The following SGIP1 variants were observed in gnomAD, a reference collection of about 807,000 sequenced individuals.
SGIP1 encodes the protein SH3-containing GRB2-like protein 3-interacting protein 1.
A neutral mutation model predicts 107.5 loss-of-function variants in SGIP1; 38 were observed. That is an observed-to-expected ratio of 0.35 (90% CI 0.27 to 0.46). The LOEUF (loss-of-function observed/expected upper bound fraction) is 0.46. SGIP1 is among the 20% of genes least tolerant of loss of function. The pLI is 1.00. For synonymous variants in SGIP1, 365 were observed against 366.1 expected, an observed-to-expected ratio of 1.00 and a Z score of 0.03; for missense variants, 929 against 1,019.5, an observed-to-expected ratio of 0.91 and a Z score of 1.21.
rs751636169 is a variant in SGIP1, at chr1:66,682,361, C to T, written c.1307C>T (p.Thr436Ile). The change falls in exon 15 of 25, where the codon ACC becomes ATC. Residue 436 changes from threonine to isoleucine, a missense_variant. By Grantham distance (89) the Thr-to-Ile change is moderately conservative. Around this residue, in one of 2 missense-constraint regions of SGIP1, gnomAD observed 588 missense variants for 588.6 expected, o/e 1.00. Transcript: ENST00000371037. ...CCTGGCTCGGGCCCTGGTCCGGGGA[C>T]CACCAGTGGTATGTCTTATGCTTGA... ...PGPGSGPGPG[T>I]TSGASSPARP... The T allele has an allele frequency of 1.2e-5, 20 of 1,610,004 alleles. No homozygotes were observed. The highest frequency in any genetic ancestry group is 1.7e-5 in the Non-Finnish European group (20 of 1,178,850).
At chr1:66,619,277 C>A (rs563159013) in intron 1 of SGIP1, among the ~76,000 whole-genome samples, 1 of 152,256 alleles carries the variant, frequency 6.6e-6, no homozygotes, top group East Asian at 1.9e-4. Context: ...ATTTTAAAGG[C>A]AGTACATTTA....
At chr1:66,666,458 C>CT (rs558907920) in intron 8 of SGIP1, 3 of 160,200 alleles carry the variant, frequency 1.9e-5, no homozygotes, top group African/African-American at 4.8e-5. Flanking sequence ...AATGAGGGCT[C>CT]TTTTTTGGTT....
chr1:66,599,614 C>T (rs998765279), intron 1 of SGIP1, among the ~76,000 whole-genome samples: 19 of 152,214 alleles, frequency 1.2e-4, no homozygotes, highest in African/African-American at 4.1e-4. Context: ...CCATGCTACA[C>T]ATCTTATTTA....
At chr1:66,557,771 T>A (rs2058391574) in intron 1 of SGIP1, among the ~76,000 whole-genome samples, 1 of 152,158 alleles carries the variant, frequency 6.6e-6, no homozygotes, top group Non-Finnish European at 1.5e-5. Flanking sequence ...AACAGTCTAC[T>A]TCTTGGCCTA....
intron 18 of SGIP1, among the ~76,000 whole-genome samples, chr1:66,713,271 G>A (rs968880676): frequency 6.6e-6 from 1 of 152,082 alleles, no homozygotes; most frequent in Admixed American, 6.6e-5. Flanking sequence ...ATTAATATAA[G>A]TAAAGTCCTT....
At chr1:66,561,268 T>A (rs536586905) in intron 1 of SGIP1, among the ~76,000 whole-genome samples, 29 of 152,048 alleles carry the variant, frequency 1.9e-4, no homozygotes, top group Non-Finnish European at 3.7e-4. Flanking sequence ...GGTAGTGGCA[T>A]TATTGAGACT....
intron 7 of SGIP1, among the ~76,000 whole-genome samples, chr1:66,659,919 A>G (rs982616021): frequency 4.4e-5 from 6 of 137,188 alleles, no homozygotes; most frequent in Non-Finnish European, 9.3e-5. Context: ...TCAGAAACAG[A>G]AAGAGAAAAA....
At chr1:66,555,257 A>C (rs1031424528) in intron 1 of SGIP1, among the ~76,000 whole-genome samples, 3 of 151,754 alleles carry the variant, frequency 2.0e-5, no homozygotes, top group Admixed American at 6.6e-5. Flanking sequence ...CACATCTGAA[A>C]CCTCCATTTT....
At chr1:66,555,389 C>G (rs2148347147) in intron 1 of SGIP1, among the ~76,000 whole-genome samples, 1 of 152,236 alleles carries the variant, frequency 6.6e-6, no homozygotes, top group Non-Finnish European at 1.5e-5. Context: ...TTTACCAGGG[C>G]TGTTTTCTGC....
chr1:66,612,161 G>A (rs2068160452), intron 1 of SGIP1, among the ~76,000 whole-genome samples: 2 of 152,196 alleles, frequency 1.3e-5, no homozygotes, highest in Admixed American at 1.3e-4. Flanking sequence ...CACATGGTGA[G>A]AGAAAGCAAG....
At position 66,745,857 on chromosome 1, in the gene SGIP1, A is replaced by G. The variant is rs1455169081; in HGVS notation, c.*2762A>G. 6.6e-6 allele frequency: 1 copy of G among 152,130 alleles called. No homozygotes were observed. The highest frequency in any genetic ancestry group is 1.5e-5 in the Non-Finnish European group (1 of 67,980). 9.4% of individuals were successfully genotyped at this position (152,130 alleles called of 1,614,324 possible). ...GTGAAATTTTTAAAAATAAATTTGT[A>G]TCAAGGATTAGTCTGAATTTTATCA... is the stretch of plus-strand genomic sequence containing the variant. On this transcript the variant is annotated 3_prime_UTR_variant, in exon 25 of 25. Transcript: ENST00000371037.
chr1:66,714,635 GC>G (rs2093126158), intron 18 of SGIP1, among the ~76,000 whole-genome samples: 1 of 151,994 alleles, frequency 6.6e-6, no homozygotes, highest in Non-Finnish European at 1.5e-5. Context: ...AATTCTAAAT[GC>G]CTATAGACAA....
chr1:66,667,187 C>T (rs141554665), intron 8 of SGIP1, among the ~76,000 whole-genome samples: 1 of 152,116 alleles, frequency 6.6e-6, no homozygotes, highest in Non-Finnish European at 1.5e-5. Context: ...GTACCCCCCC[C>T]CAAACTATCT....
intron 21 of SGIP1, among the ~76,000 whole-genome samples, chr1:66,736,977 A>T (rs929876697): frequency 6.6e-6 from 1 of 152,140 alleles, no homozygotes; most frequent in Non-Finnish European, 1.5e-5. Context: ...TACTGAAAAA[A>T]TATATAATAT....
At chr1:66,683,700 C>CTTTTTTTTTTTTT (rs869266510) in intron 15 of SGIP1, among the ~76,000 whole-genome samples, 944 of 61,362 alleles carry the variant, frequency 0.015, 160 homozygotes, top group East Asian at 0.078. Flanking sequence ...TGTTTCTTTT[C>CTTTTTTTTTTTTT]TTTTTTTTTT....
At chr1:66,728,715 A>G (rs1473893965) in intron 19 of SGIP1, among the ~76,000 whole-genome samples, 3 of 152,210 alleles carry the variant, frequency 2.0e-5, no homozygotes, top group Non-Finnish European at 2.9e-5. Context: ...ACGGCCATCA[A>G]TGATAGACTA....
chr1:66,637,057 G>C (rs2075918345), intron 4 of SGIP1, among the ~76,000 whole-genome samples: 1 of 151,744 alleles, frequency 6.6e-6, no homozygotes, highest in Admixed American at 6.6e-5. Flanking sequence ...CAAAAAAAAA[G>C]GAAAAGGTAA....
At chr1:66,666,033 T>C (rs2082462310) in intron 8 of SGIP1, 1 of 152,234 alleles carries the variant, frequency 6.6e-6, no homozygotes, top group Non-Finnish European at 1.5e-5. Flanking sequence ...GTTTTAGTCA[T>C]GAAGTCCTTG....
chr1:66,544,921 T>C (rs1008576781), intron 1 of SGIP1, among the ~76,000 whole-genome samples: 2 of 152,156 alleles, frequency 1.3e-5, no homozygotes, highest in African/African-American at 2.4e-5. Context: ...GTGCACTAAT[T>C]TGAAGAACTA....
Sources: allele counts gnomAD v4.1 joint callset (sites outside exome capture counted in the v4.1 genomes callset), GRCh38; gene constraint gnomAD v4.1.1; regional missense constraint gnomAD v4.1.1; transcripts MANE v1.5; gene names NCBI Gene and HGNC (gene_info 2026-07-23, HGNC 2026-07-21).